Variants in RARS2 observed in about 807,000 individuals in gnomAD.
RARS2 encodes the protein arginyl-tRNA synthetase 2, mitochondrial.
A neutral mutation model predicts 88.5 loss-of-function variants in RARS2; 67 were observed. The observed-to-expected ratio is 0.76, with a 90% CI of 0.62 to 0.93. The LOEUF (loss-of-function observed/expected upper bound fraction) is 0.93, where lower values mean the gene tolerates loss of function less well. RARS2 is among the 40% of genes least tolerant of loss of function. The probability of loss-of-function intolerance (pLI) is 0.00; values close to 1 mark genes in which losing one functional copy is unlikely to be tolerated. For missense variants in RARS2, 664 were observed against 684.2 expected, an observed-to-expected ratio of 0.97 and a Z score of 0.33; for synonymous variants, 239 against 230.3, an observed-to-expected ratio of 1.04 and a Z score of -0.34.
chr6:87,526,455 G>A (rs1775745536), intron 10 of RARS2, among the ~76,000 whole-genome samples: 1 of 151,814 alleles, frequency 6.6e-6, no homozygotes, highest in South Asian at 2.1e-4. Context: ...GGTGGAGGTT[G>A]TAGTGAGCCA....
chr6:87,545,837 C>T (rs1782469352), intron 6 of RARS2, 138 bp from the exon 7 acceptor site: 2 of 1,014,850 alleles, frequency 2.0e-6, no homozygotes, highest in African/African-American at 1.6e-5. Context: ...TTTACTAAAA[C>T]ATTCATCATT....
chr6:87,583,778 G>A (rs542955342), intron 1 of RARS2, among the ~76,000 whole-genome samples: 13 of 152,270 alleles, frequency 8.5e-5, no homozygotes, highest in African/African-American at 3.1e-4. Context: ...TAGGTTAGTA[G>A]TTCAACTCTA....
intron 1 of RARS2, among the ~76,000 whole-genome samples, chr6:87,575,489 T>A (rs1393055460): frequency 6.6e-6 from 1 of 152,178 alleles, no homozygotes; most frequent in Non-Finnish European, 1.5e-5. Flanking sequence ...CAGAATTGTC[T>A]ATCCAAAATA....
intron 6 of RARS2, among the ~76,000 whole-genome samples, chr6:87,547,574 T>C (rs902076821): frequency 2.0e-5 from 3 of 152,204 alleles, no homozygotes; most frequent in Non-Finnish European, 4.4e-5. Flanking sequence ...ATCGTAAGTA[T>C]ATTATACACT....
At chr6:87,516,396 T>C (rs937680977) in intron 18 of RARS2, among the ~76,000 whole-genome samples, 5 of 152,206 alleles carry the variant, frequency 3.3e-5, no homozygotes, top group Non-Finnish European at 7.3e-5. Context: ...ACAATGCTTA[T>C]GGATCCTTTA....
intron 14 of RARS2, chr6:87,519,272 A>AT (rs1773011893): frequency 2.8e-6 from 1 of 359,730 alleles, no homozygotes; most frequent in African/African-American, 2.1e-5. Context: ...AATTAAAGTC[A>AT]TAAGGACTGG....
intron 1 of RARS2, among the ~76,000 whole-genome samples, chr6:87,582,344 T>G (rs988530777): frequency 1.3e-5 from 2 of 152,206 alleles, no homozygotes; most frequent in Admixed American, 1.3e-4. Context: ...GATTTACAGT[T>G]CTCTAACGAT....
chr6:87,559,496 A>C, intron 4 of RARS2, among the ~76,000 whole-genome samples: 1 of 145,966 alleles, frequency 6.9e-6, no homozygotes, highest in African/African-American at 2.5e-5. Flanking sequence ...AAAAAGAGAC[A>C]GGGTCTTGCT....
chr6:87,525,540 CCTTTTTTT>C (rs1380169435), intron 10 of RARS2, among the ~76,000 whole-genome samples: 5 of 150,946 alleles, frequency 3.3e-5, no homozygotes, highest in African/African-American at 1.2e-4. Context: ...AAATCAGTAG[CCTTTTTTT>C]CTTTTTTTTT....
At chr6:87,562,469 A>G (rs1788139486) in intron 4 of RARS2, among the ~76,000 whole-genome samples, 1 of 152,244 alleles carries the variant, frequency 6.6e-6, no homozygotes, top group Non-Finnish European at 1.5e-5. Context: ...ATGACTATAC[A>G]GTGCTATGAG....
At chr6:87,556,035 G>A (rs1162073397) in intron 4 of RARS2, among the ~76,000 whole-genome samples, 6 of 152,198 alleles carry the variant, frequency 3.9e-5, no homozygotes, top group Non-Finnish European at 8.8e-5. Context: ...CAGTTAACCT[G>A]TTAACTGCTG....
intron 8 of RARS2, among the ~76,000 whole-genome samples, chr6:87,531,842 G>C (rs1056170111): frequency 6.6e-6 from 1 of 151,924 alleles, no homozygotes; most frequent in East Asian, 1.9e-4. Context: ...TATACATATG[G>C]ACAAATATTT....
At chr6:87,581,011 G>A (rs1773321210) in intron 1 of RARS2, among the ~76,000 whole-genome samples, 2 of 152,056 alleles carry the variant, frequency 1.3e-5, no homozygotes, top group Non-Finnish European at 2.9e-5. Context: ...CACTAGGAAA[G>A]CACATCAATC....
At position 87,518,702 on chromosome 6, in the gene RARS2, C is replaced by G. The variant is rs1202532059; in HGVS notation, c.1343G>C (p.Ser448Thr). Residue 448 changes from serine (S) to threonine (T), a missense_variant, in exon 16 of 20, where the codon AGC becomes ACC. Ser to Thr is a moderately conservative substitution (Grantham distance 58, BLOSUM62 1). Transcript: ENST00000369536. The stretch of plus-strand genomic sequence containing the variant: ...GCGACTCTGGAAAACACGATCCCAG[C>G]TGAACTTGTAGTCAGATAAGAGTAA... ...KGLLLSDYKF[S>T]WDRVFQSRGD... 3 of 1,614,118 alleles carry G rather than the reference C, an allele frequency of 1.9e-6. No individual in the cohort carries two copies. Among genetic ancestry groups the G allele is most frequent in the Non-Finnish European group, 1.7e-6 (2 of 1,179,992 alleles).
At chr6:87,543,366 G>C (rs941220339) in intron 7 of RARS2, among the ~76,000 whole-genome samples, 52 of 150,264 alleles carry the variant, frequency 3.5e-4, no homozygotes, top group African/African-American at 1.1e-3. Flanking sequence ...TATTGGCCGG[G>C]GGTGATGACT....
At chr6:87,538,634 T>C (rs1051358341) in intron 8 of RARS2, among the ~76,000 whole-genome samples, 1 of 152,156 alleles carries the variant, frequency 6.6e-6, no homozygotes, top group Non-Finnish European at 1.5e-5. Context: ...CAGTGGCTCA[T>C]GTCTGTAATT....
At chr6:87,561,273 T>A (rs1787773619) in intron 4 of RARS2, among the ~76,000 whole-genome samples, 1 of 152,122 alleles carries the variant, frequency 6.6e-6, no homozygotes, top group African/African-American at 2.4e-5. Flanking sequence ...GTGGGGGCAA[T>A]TGTTTTATGT....
chr6:87,573,339 C>T (rs941562335), intron 1 of RARS2, among the ~76,000 whole-genome samples: 1 of 152,084 alleles, frequency 6.6e-6, no homozygotes, highest in Non-Finnish European at 1.5e-5. Context: ...TGGTGCTAAA[C>T]CATTAGAAAC....
chr6:87,573,227 A>T (rs930256107), intron 1 of RARS2, among the ~76,000 whole-genome samples: 1 of 152,070 alleles, frequency 6.6e-6, no homozygotes, highest in South Asian at 2.1e-4. Context: ...GGCACATCTC[A>T]CACGGTGGGA....
Sources: allele counts gnomAD v4.1 joint callset (sites outside exome capture counted in the v4.1 genomes callset), GRCh38; gene constraint gnomAD v4.1.1; transcripts MANE v1.5; gene names NCBI Gene and HGNC (gene_info 2026-07-23, HGNC 2026-07-21).